ZNF385D: variants seen among roughly 807,000 people sequenced by gnomAD.
The protein encoded by ZNF385D is zinc finger protein 385D, also known as zinc finger protein 659.
In ZNF385D, 15 loss-of-function variants were observed where a neutral mutation model predicts 35.8. That is an observed-to-expected ratio of 0.42 (90% confidence interval 0.28 to 0.64). The LOEUF (loss-of-function observed/expected upper bound fraction) is 0.64. Ranked by LOEUF, ZNF385D falls within the 30% of genes least tolerant of loss-of-function variation. ZNF385D has a pLI of 0.23. For synonymous variants in ZNF385D, 212 were observed against 186.8 expected, an observed-to-expected ratio of 1.13 and a Z score of -1.10; for missense variants, 474 against 494.6, an observed-to-expected ratio of 0.96 and a Z score of 0.39.
chr3:21,681,304 A>G (rs1411139575), intron 1 of ZNF385D, among the ~76,000 whole-genome samples: 103 of 146,344 alleles, frequency 7.0e-4, no homozygotes, highest in African/African-American at 2.6e-3. Flanking sequence ...TCAGTAAAAA[A>G]AAAAAAAAAA....
intron 2 of ZNF385D, among the ~76,000 whole-genome samples, chr3:21,664,030 A>C (rs1006335915): frequency 6.7e-6 from 1 of 150,004 alleles, no homozygotes. Flanking sequence ...CTTTGGTTGC[A>C]TTGACATGTC....
At chr3:21,987,029 T>C (rs1363888960) in intron 3 of ZNF385D, among the ~76,000 whole-genome samples, 1 of 99,898 alleles carries the variant, frequency 1.0e-5, no homozygotes, top group East Asian at 2.5e-4. Flanking sequence ...TGGTAGATCT[T>C]CCTCCATCCT....
chr3:22,204,700 A>T (rs1697028189), intron 2 of ZNF385D, among the ~76,000 whole-genome samples: 1 of 152,104 alleles, frequency 6.6e-6, no homozygotes, highest in Non-Finnish European at 1.5e-5. Flanking sequence ...GAAATTCTGG[A>T]ATTGAAAAAT....
intron 3 of ZNF385D, among the ~76,000 whole-genome samples, chr3:22,128,443 A>C (rs1312191457): frequency 1.3e-5 from 2 of 152,112 alleles, no homozygotes; most frequent in African/African-American, 4.8e-5. Context: ...CTAGGTTTAG[A>C]AAGTTCTCTG....
intron 3 of ZNF385D, among the ~76,000 whole-genome samples, chr3:21,874,146 C>T (rs1230235414): frequency 1.3e-5 from 2 of 151,948 alleles, no homozygotes; most frequent in Non-Finnish European, 2.9e-5. Flanking sequence ...CATATTCTTG[C>T]TATCACTTCT....
At chr3:22,074,332 T>C (rs1209532271) in intron 3 of ZNF385D, among the ~76,000 whole-genome samples, 1 of 152,042 alleles carries the variant, frequency 6.6e-6, no homozygotes, top group African/African-American at 2.4e-5. Flanking sequence ...GCCTTTGATG[T>C]GTTTCAATAG....
At chr3:22,342,915 G>C (rs774200635) in intron 2 of ZNF385D, among the ~76,000 whole-genome samples, 13 of 152,176 alleles carry the variant, frequency 8.5e-5, no homozygotes, top group Non-Finnish European at 1.8e-4. Flanking sequence ...TCTGTGTCCA[G>C]TGGTAGCCTC....
Position 21,792,134 on chromosome 3 carries a change from A to G in ZNF385D, c.326-127106T>C, listed in dbSNP as rs547824917. Among the ~76,000 whole-genome samples the G allele has an allele frequency of 3.3e-5, 5 of 152,316 alleles. No individual in the cohort carries two copies. In the East Asian group the frequency reaches 9.7e-4, roughly 29 times the overall value. Reference sequence around the variant, plus strand: ...GGGACTTCTTTCATCAATAAATTATATTGTTTTGAGCAATTAGTTTTTCTG... The same window carrying G: ...GGGACTTCTTTCATCAATAAATTATGTTGTTTTGAGCAATTAGTTTTTCTG... On this transcript the variant is annotated intron_variant, in intron 3 of 5. Coordinates refer to the ZNF385D transcript ENST00000494108.
chr3:21,546,474 C>T (rs1289658122), intron 3 of ZNF385D, among the ~76,000 whole-genome samples: 1 of 152,070 alleles, frequency 6.6e-6, no homozygotes, highest in Non-Finnish European at 1.5e-5. Context: ...ACAAGACATC[C>T]TTTCCTCTCC....
intron 1 of ZNF385D, among the ~76,000 whole-genome samples, chr3:21,740,291 G>T (rs1235474825): frequency 6.6e-6 from 1 of 152,176 alleles, no homozygotes; most frequent in East Asian, 1.9e-4. Flanking sequence ...ACTACTCAAA[G>T]TGTGACCAGT....
intron 3 of ZNF385D, among the ~76,000 whole-genome samples, chr3:22,036,709 GTTT>G (rs769311209): frequency 1.2e-3 from 163 of 133,772 alleles, no homozygotes; most frequent in African/African-American, 4.0e-3. Context: ...GCCCTACTAG[GTTT>G]TTTTTTTTTT....
intron 3 of ZNF385D, among the ~76,000 whole-genome samples, chr3:21,871,593 T>C (rs566849180): frequency 2.0e-4 from 30 of 152,258 alleles, no homozygotes; most frequent in African/African-American, 7.2e-4. Flanking sequence ...TTTAGTAATT[T>C]TGTCAATGGT....
At chr3:21,768,041 C>A (rs1180224995) in intron 3 of ZNF385D, among the ~76,000 whole-genome samples, 4 of 152,052 alleles carry the variant, frequency 2.6e-5, no homozygotes, top group Non-Finnish European at 5.9e-5. Context: ...ACAACATGCA[C>A]TCATTTTGTA....
At chr3:21,952,808 C>A (rs558196584) in intron 3 of ZNF385D, among the ~76,000 whole-genome samples, 18 of 151,794 alleles carry the variant, frequency 1.2e-4, no homozygotes, top group African/African-American at 4.3e-4. Flanking sequence ...AAAAAAGTTC[C>A]AAAACTAAAC....
Position 22,363,315 on chromosome 3 carries a change from T to C in ZNF385D, c.106+9135A>G, listed in dbSNP as rs1022031986. On this transcript the variant is annotated intron_variant, in intron 2 of 5. Coordinates refer to the ZNF385D transcript ENST00000494108. ...TCAGAATTTGTCAGAATACGTGAGC[T>C]CAAGCTCACTGACCCGCACCCACTG... Among the ~76,000 whole-genome samples, 2 of 152,092 alleles carry C rather than the reference T, an allele frequency of 1.3e-5. 1 individual carries two copies. The highest frequency in any genetic ancestry group is 2.9e-5 in the Non-Finnish European group (2 of 68,000).
chr3:22,050,684 C>A (rs1479659937), intron 3 of ZNF385D, among the ~76,000 whole-genome samples: 2 of 152,142 alleles, frequency 1.3e-5, no homozygotes, highest in Non-Finnish European at 2.9e-5. Flanking sequence ...ATGAACTCAG[C>A]AGTTTTTAAT....
intron 3 of ZNF385D, among the ~76,000 whole-genome samples, chr3:21,876,916 G>A (rs984666939): frequency 3.9e-5 from 6 of 151,936 alleles, no homozygotes; most frequent in Admixed American, 1.3e-4. Context: ...TACATTATGT[G>A]TTTGCCCATT....
intron 1 of ZNF385D, among the ~76,000 whole-genome samples, chr3:21,734,774 G>A (rs1027316860): frequency 6.6e-6 from 1 of 152,166 alleles, no homozygotes; most frequent in Non-Finnish European, 1.5e-5. Flanking sequence ...TTTCATATGT[G>A]TCTCTGTGTT....
At chr3:22,320,300 T>C (rs912766564) in intron 2 of ZNF385D, among the ~76,000 whole-genome samples, 1 of 152,138 alleles carries the variant, frequency 6.6e-6, no homozygotes, top group Non-Finnish European at 1.5e-5. Context: ...GCATTAGTAT[T>C]CTAGTAAGGG....
Sources: allele counts gnomAD v4.1 joint callset (sites outside exome capture counted in the v4.1 genomes callset), GRCh38; gene constraint gnomAD v4.1.1; transcripts MANE v1.5; gene names NCBI Gene and HGNC (gene_info 2026-07-23, HGNC 2026-07-21).